Variants in TP63 observed in about 807,000 individuals in gnomAD.
TP63 encodes the protein tumor protein p63.
Under a neutral mutation model 82.8 loss-of-function variants are expected in TP63, and 17 were observed. The ratio of observed to expected loss-of-function variants is 0.21; its 90% confidence interval spans 0.14 to 0.31. TP63 has a LOEUF of 0.31. Among genes scored for constraint, TP63 ranks in the 10% least tolerant of loss-of-function variants. The pLI is 1.00. For synonymous variants in TP63, 330 were observed against 321.7 expected (o/e 1.03, Z -0.28); for missense variants, 648 against 895.3 (o/e 0.72, Z 3.52).
chr3:189,804,902 G>A (rs1326348786), intron 3 of TP63, among the ~76,000 whole-genome samples: 1 of 152,162 alleles, frequency 6.6e-6, no homozygotes, highest in East Asian at 1.9e-4. Flanking sequence ...TTCCCACTTT[G>A]ATTGTGTGTA....
the TP63 span, among the ~76,000 whole-genome samples, chr3:189,625,155 T>G: frequency 6.6e-6 from 1 of 152,198 alleles, no homozygotes; most frequent in African/African-American, 2.4e-5. Flanking sequence ...AACATATTGC[T>G]AAGGTACTTC....
chr3:189,782,792 T>A (rs1485723997), intron 3 of TP63, among the ~76,000 whole-genome samples: 1 of 152,104 alleles, frequency 6.6e-6, no homozygotes, highest in Non-Finnish European at 1.5e-5. Flanking sequence ...ATGTTTATTT[T>A]AATGAATAAC....
At chr3:189,824,326 G>A (rs187557397) in intron 4 of TP63, among the ~76,000 whole-genome samples, 184 of 151,870 alleles carry the variant, frequency 1.2e-3, no homozygotes, top group African/African-American at 4.3e-3. Context: ...GAGCCATTCC[G>A]GATTCGAGCC....
chr3:189,780,677 G>A (rs1724161535), intron 3 of TP63, among the ~76,000 whole-genome samples: 1 of 152,168 alleles, frequency 6.6e-6, no homozygotes, highest in Non-Finnish European at 1.5e-5. Context: ...AGAGACAGGT[G>A]CTTTTTCTCC....
intron 1 of TP63, among the ~76,000 whole-genome samples, chr3:189,684,231 C>T (rs1032658740): frequency 6.6e-6 from 1 of 152,084 alleles, no homozygotes; most frequent in East Asian, 1.9e-4. Flanking sequence ...TTTCTAGGTA[C>T]CAGAAATATG....
At chr3:189,656,604 A>T (rs1287435447) in intron 1 of TP63, among the ~76,000 whole-genome samples, 1 of 152,118 alleles carries the variant, frequency 6.6e-6, no homozygotes, top group Non-Finnish European at 1.5e-5. Flanking sequence ...GCTCAAATAT[A>T]AGTTGTCTGT....
intron 1 of TP63, among the ~76,000 whole-genome samples, chr3:189,650,291 A>G (rs531302510): frequency 6.8e-6 from 1 of 147,378 alleles, no homozygotes; most frequent in Admixed American, 6.7e-5. Flanking sequence ...TTGATATATG[A>G]GAAGGAGAAA....
chr3:189,738,867 G>A, intron 3 of TP63, 93 bp downstream of exon 3: 1 of 1,542,888 alleles, frequency 6.5e-7, no homozygotes, highest in Non-Finnish European at 8.8e-7. Flanking sequence ...AAAGGCAGGT[G>A]GCTCTGAATG....
chr3:189,830,036 A>G (rs554641850), intron 4 of TP63: 1 of 213,926 alleles, frequency 4.7e-6, no homozygotes, highest in South Asian at 6.1e-5. Context: ...TGTAACCTTC[A>G]TTTTCTTGAA....
chr3:189,820,027 G>A (rs1728636255), intron 4 of TP63, among the ~76,000 whole-genome samples: 1 of 152,160 alleles, frequency 6.6e-6, no homozygotes, highest in African/African-American at 2.4e-5. Context: ...GGGATTACAG[G>A]CATGAGCCAC....
intron 3 of TP63, among the ~76,000 whole-genome samples, chr3:189,780,111 A>G (rs1314907607): frequency 6.6e-6 from 1 of 152,226 alleles, no homozygotes; most frequent in African/African-American, 2.4e-5. Context: ...AGCTAAGTAC[A>G]TAGAAGACAC....
intron 3 of TP63, among the ~76,000 whole-genome samples, chr3:189,756,832 G>A (rs1722223926): frequency 6.6e-6 from 1 of 152,144 alleles, no homozygotes; most frequent in African/African-American, 2.4e-5. Flanking sequence ...TGTTACTTAA[G>A]ACACTGTGCT....
intron 1 of TP63, among the ~76,000 whole-genome samples, chr3:189,672,634 AAGGGAGGG>A (rs370937814): frequency 9.7e-6 from 1 of 103,608 alleles, no homozygotes; most frequent in African/African-American, 3.5e-5. Flanking sequence ...GGAAGGAAGG[AAGGGAGGG>A]AGGGAGGGAG....
chr3:189,796,415 G>T (rs542245806), intron 3 of TP63, among the ~76,000 whole-genome samples: 1 of 152,074 alleles, frequency 6.6e-6, no homozygotes, highest in South Asian at 2.1e-4. Flanking sequence ...TAACAGGGCA[G>T]GGGAGGGTAG....
At chr3:189,632,900 A>G (rs1025178253) in intron 1 of TP63, among the ~76,000 whole-genome samples, 1 of 152,170 alleles carries the variant, frequency 6.6e-6, no homozygotes, top group African/African-American at 2.4e-5. Context: ...TCCATTAAAC[A>G]TCTTTGGAAA....
At position 189,689,098 on chromosome 3, in the gene TP63, C is replaced by CTTTTTTTTTTTTTTTTTT. The variant is rs1383931117; in HGVS notation, c.63-48637_63-48636insTTTTTTTTTTTTTTTTTT. ...CAGAGTGGCCAGCATTCAAATCTAC[C>CTTTTTTTTTTTTTTTTTT]TTTTTCTTTTTTTTTTTTTTTTTTT... On this transcript the variant is annotated intron_variant, in intron 1 of 13. Coordinates refer to ENST00000264731, the MANE Select transcript of TP63 (RefSeq NM_003722.5). Among the ~76,000 whole-genome samples the CTTTTTTTTTTTTTTTTTT allele has an allele frequency of 1.8e-4, 15 of 85,140 alleles. 6 individuals are homozygous for CTTTTTTTTTTTTTTTTTT. Among genetic ancestry groups the CTTTTTTTTTTTTTTTTTT allele is most frequent in the Non-Finnish European group, 2.3e-4 (11 of 46,814 alleles). The allele number at this position is 85,140 out of a possible 152,430, so 55.9% of individuals were successfully genotyped here. A position where few individuals can be genotyped will look rare whatever the true frequency, so the allele number is the denominator to read the frequency against.
intron 3 of TP63, among the ~76,000 whole-genome samples, chr3:189,804,528 C>T (rs1237253126): frequency 1.3e-5 from 2 of 152,214 alleles, no homozygotes; most frequent in Non-Finnish European, 2.9e-5. Context: ...CTGGGTGACA[C>T]TTGTTCTTCT....
chr3:189,784,626 C>T (rs1323714912), intron 3 of TP63, among the ~76,000 whole-genome samples: 1 of 152,056 alleles, frequency 6.6e-6, no homozygotes, highest in East Asian at 1.9e-4. Flanking sequence ...TTTACTTGAA[C>T]ATGTATACAA....
intron 1 of TP63, among the ~76,000 whole-genome samples, chr3:189,677,438 A>G: frequency 7.4e-6 from 1 of 135,670 alleles, no homozygotes; most frequent in Non-Finnish European, 1.6e-5. Flanking sequence ...ATATACATAT[A>G]TATATACACA....
Sources: allele counts gnomAD v4.1 joint callset (sites outside exome capture counted in the v4.1 genomes callset), GRCh38; gene constraint gnomAD v4.1.1; transcripts MANE v1.5; gene names NCBI Gene and HGNC (gene_info 2026-07-23, HGNC 2026-07-21).